The following CCNY variants were observed in gnomAD, a reference collection of about 807,000 sequenced individuals.
The protein encoded by CCNY is cyclin-Y.
Under a neutral mutation model 42.8 loss-of-function variants are expected in CCNY, and 19 were observed. That is an observed-to-expected ratio of 0.44 (90% CI 0.31 to 0.65). The LOEUF (loss-of-function observed/expected upper bound fraction) is 0.65, where lower values mean the gene tolerates loss of function less well. Among genes scored for constraint, CCNY ranks in the 30% least tolerant of loss-of-function variants. The pLI, the probability that CCNY is intolerant of heterozygous loss-of-function variation, is 0.07. For missense variants in CCNY, 370 were observed against 437.3 expected, an observed-to-expected ratio of 0.85 and a Z score of 1.37; for synonymous variants, 165 against 162.7, an observed-to-expected ratio of 1.01 and a Z score of -0.11.
In CCNY at chr10:35,572,310, C is replaced by T. The variant is rs1399919186; in HGVS notation, c.*3140C>T. The T allele has an allele frequency of 6.6e-6, 1 of 151,506 alleles. No individual in the cohort carries two copies. The highest frequency in any genetic ancestry group is 1.5e-5 in the Non-Finnish European group (1 of 68,004). 9.4% of individuals were successfully genotyped at this position (151,506 alleles called of 1,614,324 possible). On this transcript the variant is annotated 3_prime_UTR_variant, in exon 10 of 10. Transcript: ENST00000374704. ...TTTTTTTCTTTTTTTGAGATGGAGT[C>T]TCGCTCTTGTCACCCAGGCTGGTGT...
At chr10:35,500,971 C>G (rs1313117693) in intron 2 of CCNY, among the ~76,000 whole-genome samples, 1 of 152,162 alleles carries the variant, frequency 6.6e-6, no homozygotes, top group African/African-American at 2.4e-5. Flanking sequence ...GGCTCCCAGA[C>G]AGAAGCCCAG....
At chr10:35,275,920 C>T (rs1835234323) in intron 3 of CCNY, among the ~76,000 whole-genome samples, 1 of 152,222 alleles carries the variant, frequency 6.6e-6, no homozygotes, top group Admixed American at 6.5e-5. Context: ...GCTTCAAATC[C>T]CAGGTTTCAC....
intron 1 of CCNY, among the ~76,000 whole-genome samples, chr10:35,477,404 C>A (rs1408209445): frequency 6.7e-6 from 1 of 150,222 alleles, no homozygotes; most frequent in Non-Finnish European, 1.5e-5. Context: ...TACTGGCAAA[C>A]TGAATCCAGC....
At chr10:35,278,831 G>A (rs994083173) in intron 3 of CCNY, among the ~76,000 whole-genome samples, 1 of 152,172 alleles carries the variant, frequency 6.6e-6, no homozygotes, top group Non-Finnish European at 1.5e-5. Context: ...GGGGCTGGGT[G>A]CACTGGCCCC....
chr10:35,344,411 G>T, intron 1 of CCNY, among the ~76,000 whole-genome samples: 1 of 137,628 alleles, frequency 7.3e-6, no homozygotes, highest in East Asian at 2.2e-4. Flanking sequence ...CTTGCCTTGG[G>T]CTGGGCGCCG....
chr10:35,266,882 G>C (rs893328738), intron 3 of CCNY, among the ~76,000 whole-genome samples: 4 of 151,840 alleles, frequency 2.6e-5, no homozygotes, highest in African/African-American at 9.7e-5. Context: ...TCAGGAGTTC[G>C]AGACCAGCCT....
At chr10:35,357,441 T>C (rs995097078) in intron 1 of CCNY, among the ~76,000 whole-genome samples, 119 of 152,376 alleles carry the variant, frequency 7.8e-4, no homozygotes, top group Middle Eastern at 3.4e-3. Flanking sequence ...ATTTAACACA[T>C]AGCAAACATT....
intron 3 of CCNY, chr10:35,315,349 T>G (rs897879583): frequency 6.6e-6 from 1 of 152,190 alleles, no homozygotes; most frequent in African/African-American, 2.4e-5. Flanking sequence ...CACTTACACA[T>G]GAGAACATGT....
intron 3 of CCNY, among the ~76,000 whole-genome samples, chr10:35,327,103 C>G (rs746144613): frequency 2.0e-5 from 3 of 151,812 alleles, no homozygotes; most frequent in Non-Finnish European, 4.4e-5. Flanking sequence ...TTTCGCTAGG[C>G]TATTCTTTTT....
chr10:35,423,304 G>A (rs576140079), intron 1 of CCNY, among the ~76,000 whole-genome samples: 48 of 151,964 alleles, frequency 3.2e-4, no homozygotes, highest in Non-Finnish European at 6.0e-4. Context: ...GCAAAACCCC[G>A]TCTCTACAAA....
intron 1 of CCNY, among the ~76,000 whole-genome samples, chr10:35,358,699 A>C (rs1388597299): frequency 6.6e-6 from 1 of 152,212 alleles, no homozygotes; most frequent in Non-Finnish European, 1.5e-5. Context: ...GAGACAGAGA[A>C]AAGAAGAAGA....
chr10:35,315,165 TTC>T (rs1416483770), intron 3 of CCNY: 1 of 152,208 alleles, frequency 6.6e-6, no homozygotes, highest in Admixed American at 6.5e-5. Context: ...ACAGGTAAAC[TTC>T]TGTCATGAGG....
chr10:35,264,785 G>A (rs186822985), intron 3 of CCNY, among the ~76,000 whole-genome samples: 1 of 152,152 alleles, frequency 6.6e-6, no homozygotes, highest in East Asian at 1.9e-4. Context: ...CTCCTAAGTA[G>A]CTGGGATAAC....
rs539959058 is a variant in CCNY at position 35,417,103 on chromosome 10, C to G, written c.155-66301C>G. On this transcript the variant is annotated intron_variant, in intron 1 of 9. Coordinates refer to ENST00000374704, the MANE Select transcript of CCNY (RefSeq NM_145012.6). ...GCCTTACTGTGGAAATGAAACACAT[C>G]ACTTCTTATGCTCCATTGTGGCCCT... 5.5e-3 allele frequency among the ~76,000 whole-genome samples: 845 copies of G among 152,318 alleles called. 2 individuals are homozygous for G. Among genetic ancestry groups the G allele is most frequent in the Non-Finnish European group, 8.8e-3 (598 of 68,028 alleles).
At chr10:35,280,300 C>T (rs1835285021) in intron 3 of CCNY, among the ~76,000 whole-genome samples, 1 of 149,528 alleles carries the variant, frequency 6.7e-6, no homozygotes, top group Non-Finnish European at 1.5e-5. Context: ...GCATTCCAGC[C>T]TGGGTGAAAG....
intron 1 of CCNY, among the ~76,000 whole-genome samples, chr10:35,247,956 G>T (rs2095709417): frequency 1.3e-5 from 2 of 150,420 alleles, no homozygotes; most frequent in Middle Eastern, 3.5e-3. Context: ...AATAGAGAAA[G>T]AAATTGAGAA....
Position 35,442,148 on chromosome 10 carries a change from C to CA in CCNY, c.155-41255dup, listed in dbSNP as rs1337527220. ...GAAATGTCACTTAGCCTGCATGACC[C>CA]ACAGAGTGTTGCCATAACTCCTGAT... On this transcript the variant is annotated intron_variant, in intron 1 of 9. Transcript: ENST00000374704. 3.3e-5 allele frequency among the ~76,000 whole-genome samples: 5 copies of CA among 152,304 alleles called. No individual in the cohort carries two copies. The East Asian group carries it at 9.6e-4, about 29-fold the overall frequency.
intron 3 of CCNY, among the ~76,000 whole-genome samples, chr10:35,514,252 A>G (rs1003345630): frequency 2.0e-5 from 3 of 152,194 alleles, no homozygotes; most frequent in African/African-American, 7.2e-5. Flanking sequence ...AATGGTCTTT[A>G]GAGTGTTGAG....
At chr10:35,330,985 C>T (rs1261569865) in intron 3 of CCNY, among the ~76,000 whole-genome samples, 2 of 152,194 alleles carry the variant, frequency 1.3e-5, no homozygotes, top group Non-Finnish European at 2.9e-5. Context: ...GTCTTGAACT[C>T]TCGACCTCAG....
Sources: gnomAD v4.1 joint callset for allele counts (sites outside exome capture counted in the v4.1 genomes callset) on GRCh38, gnomAD v4.1.1 for gene constraint, MANE v1.5 for transcripts, NCBI Gene and HGNC (gene_info 2026-07-23, HGNC 2026-07-21) for gene names.